Variants in ZNF385D observed in about 807,000 individuals in gnomAD.
The protein encoded by ZNF385D is zinc finger protein 385D.
In ZNF385D, 15 loss-of-function variants were observed where a neutral mutation model predicts 35.8. That is an observed-to-expected ratio of 0.42 (90% CI 0.28 to 0.64). ZNF385D has a LOEUF of 0.64. Ranked by LOEUF, ZNF385D falls within the 30% of genes least tolerant of loss-of-function variation. ZNF385D has a pLI of 0.23. For synonymous variants in ZNF385D, 212 were observed against 186.8 expected (o/e 1.13, Z -1.10); for missense variants, 474 against 494.6 (o/e 0.96, Z 0.39).
chr3:21,966,888 G>A (rs539420568), intron 3 of ZNF385D, among the ~76,000 whole-genome samples: 1 of 152,344 alleles, frequency 6.6e-6, no homozygotes, highest in South Asian at 2.1e-4. Context: ...ATGGGCTTGA[G>A]CCACAGCCCC....
intron 2 of ZNF385D, among the ~76,000 whole-genome samples, chr3:22,268,537 A>G (rs1436113885): frequency 6.6e-6 from 1 of 152,054 alleles, no homozygotes; most frequent in East Asian, 1.9e-4. Flanking sequence ...ATGCTACTGT[A>G]ACCCAAAAGC....
At chr3:21,697,782 A>C (rs2125369273) in intron 1 of ZNF385D, among the ~76,000 whole-genome samples, 1 of 152,208 alleles carries the variant, frequency 6.6e-6, no homozygotes, top group South Asian at 2.1e-4. Context: ...TAGAAAGTGA[A>C]CAACTGACAT....
At chr3:21,715,138 A>G (rs1470094560) in intron 1 of ZNF385D, among the ~76,000 whole-genome samples, 2 of 152,122 alleles carry the variant, frequency 1.3e-5, no homozygotes, top group Non-Finnish European at 2.9e-5. Context: ...GTACAAGCGC[A>G]ATTTTGTTAC....
intron 4 of ZNF385D, among the ~76,000 whole-genome samples, chr3:21,445,727 T>G (rs1702114911): frequency 6.6e-6 from 1 of 152,196 alleles, no homozygotes; most frequent in Non-Finnish European, 1.5e-5. Context: ...ACACGGATGC[T>G]GCTGCCATCA....
At chr3:22,032,587 G>T (rs1003151825) in intron 3 of ZNF385D, among the ~76,000 whole-genome samples, 1 of 152,172 alleles carries the variant, frequency 6.6e-6, no homozygotes, top group Non-Finnish European at 1.5e-5. Context: ...GTCCTAAGCA[G>T]TGTATAGAAC....
At chr3:22,293,296 A>T (rs1575056262) in intron 2 of ZNF385D, among the ~76,000 whole-genome samples, 1 of 152,188 alleles carries the variant, frequency 6.6e-6, no homozygotes, top group East Asian at 1.9e-4. Context: ...CCTTTTATTA[A>T]ACTCGATGTC....
At chr3:21,676,840 C>G (rs2066745246) in intron 1 of ZNF385D, among the ~76,000 whole-genome samples, 1 of 151,536 alleles carries the variant, frequency 6.6e-6, no homozygotes, top group Non-Finnish European at 1.5e-5. Context: ...AAATATCTAC[C>G]AAGTCCTGAT....
At chr3:21,443,166 C>G in intron 4 of ZNF385D, 1 of 985,360 alleles carries the variant, frequency 1.0e-6, no homozygotes, top group Non-Finnish European at 1.2e-6. Context: ...CTCCACTTTG[C>G]AGGGTACCTG....
At chr3:21,585,582 G>A (rs1018272600) in intron 2 of ZNF385D, among the ~76,000 whole-genome samples, 1 of 152,114 alleles carries the variant, frequency 6.6e-6, no homozygotes, top group Non-Finnish European at 1.5e-5. Flanking sequence ...TTAATTACCT[G>A]GCAAAATAAT....
intron 3 of ZNF385D, among the ~76,000 whole-genome samples, chr3:21,775,644 T>G (rs2071257633): frequency 6.6e-6 from 1 of 151,912 alleles, no homozygotes; most frequent in Admixed American, 6.6e-5. Flanking sequence ...GTACATTATT[T>G]CCTCCTTCAT....
At chr3:21,815,672 A>G (rs2125718159) in intron 3 of ZNF385D, among the ~76,000 whole-genome samples, 1 of 152,320 alleles carries the variant, frequency 6.6e-6, no homozygotes, top group South Asian at 2.1e-4. Flanking sequence ...AGGCTCTGAA[A>G]TTGAGATAAT....
chr3:22,045,274 T>G (rs150753855), intron 3 of ZNF385D, among the ~76,000 whole-genome samples: 1 of 152,220 alleles, frequency 6.6e-6, no homozygotes, highest in African/African-American at 2.4e-5. Context: ...TTCAATGGGG[T>G]GCAATATAGG....
intron 3 of ZNF385D, among the ~76,000 whole-genome samples, chr3:21,950,501 T>A (rs1702011949): frequency 6.6e-6 from 1 of 151,894 alleles, no homozygotes; most frequent in East Asian, 1.9e-4. Flanking sequence ...TTCTGTAGGT[T>A]GCCTGTTCAC....
intron 3 of ZNF385D, among the ~76,000 whole-genome samples, chr3:21,817,399 C>A (rs916310526): frequency 5.3e-5 from 8 of 152,036 alleles, no homozygotes; most frequent in African/African-American, 1.9e-4. Flanking sequence ...AACAGGCAAC[C>A]TACAGAATGG....
chr3:21,830,126 A>AT (rs1462238313), intron 3 of ZNF385D, among the ~76,000 whole-genome samples: 2 of 151,926 alleles, frequency 1.3e-5, no homozygotes, highest in African/African-American at 4.8e-5. Flanking sequence ...TCTGTCAAAA[A>AT]AAATAAAAGA....
chr3:21,751,827 C>T (rs965145596), upstream of ZNF385D, among the ~76,000 whole-genome samples: 4 of 152,006 alleles, frequency 2.6e-5, no homozygotes, highest in African/African-American at 9.7e-5. Flanking sequence ...TAAAAGTCAC[C>T]TCTCAGTTGC....
intron 2 of ZNF385D, among the ~76,000 whole-genome samples, chr3:22,305,634 C>A (rs778717686): frequency 6.6e-6 from 1 of 152,024 alleles, no homozygotes; most frequent in Non-Finnish European, 1.5e-5. Context: ...GAACTTGTGC[C>A]CAGAGATGAT....
At chr3:22,166,053 C>T (rs1284736378) in intron 3 of ZNF385D, among the ~76,000 whole-genome samples, 1 of 152,130 alleles carries the variant, frequency 6.6e-6, no homozygotes, top group African/African-American at 2.4e-5. Context: ...AAGACTTGGC[C>T]CTGATCCTAC....
At chr3:21,926,835 A>G (rs1403076096) in intron 3 of ZNF385D, among the ~76,000 whole-genome samples, 1 of 152,208 alleles carries the variant, frequency 6.6e-6, no homozygotes, top group Non-Finnish European at 1.5e-5. Flanking sequence ...CTGCACAGCA[A>G]AAGAAAATTT....
Sources: allele counts gnomAD v4.1 joint callset (sites outside exome capture counted in the v4.1 genomes callset), GRCh38; gene constraint gnomAD v4.1.1; transcripts MANE v1.5; gene names NCBI Gene and HGNC (gene_info 2026-07-23, HGNC 2026-07-21).